CRB1: variants seen among roughly 807,000 people sequenced by gnomAD.
CRB1 encodes protein crumbs homolog 1.
CRB1 carries 83 observed loss-of-function variants against 120.0 expected under a neutral mutation model. That is an observed-to-expected ratio of 0.69 (90% CI 0.58 to 0.83). CRB1 has a LOEUF of 0.83. Ranked by LOEUF, CRB1 falls within the 40% of genes least tolerant of loss-of-function variation. CRB1 has a pLI of 0.00. For missense variants in CRB1, 1,699 were observed against 1,687.6 expected (o/e 1.01, Z -0.12); for synonymous variants, 625 against 612.5 (o/e 1.02, Z -0.30).
chr1:197,421,997 T>TC, intron 6 of CRB1, 41 bp downstream of exon 6: 1 of 1,588,974 alleles, frequency 6.3e-7, no homozygotes, highest in Non-Finnish European at 8.6e-7. Flanking sequence ...GTGCCATGCC[T>TC]CAGAGCAGAG....
In CRB1 at chr1:197,344,376, T is replaced by C; in HGVS notation, c.748T>C (p.Cys250Arg). The C allele has an allele frequency of 6.2e-7, 1 of 1,614,188 alleles. No individual in the cohort carries two copies. The highest frequency in any genetic ancestry group is 8.5e-7 in the Non-Finnish European group (1 of 1,180,018). ...QDALGAYFCD[C>R]APGFLGDHCE... ...TGCTCTGGGGGCCTATTTCTGCGACTGTGCCCCTGGATTCCTGGGGGATCA... is the reference window on the plus strand; with the variant it reads ...TGCTCTGGGGGCCTATTTCTGCGACCGTGCCCCTGGATTCCTGGGGGATCA... Residue 250 changes from cysteine (C) to arginine (R), a missense_variant, in exon 3 of 12, where the codon TGT becomes CGT. Physicochemically the swap from Cys to Arg is radical, Grantham distance 180. Coordinates refer to ENST00000367400, the MANE Select transcript of CRB1 (RefSeq NM_201253.3).
At chr1:197,469,515 A>G (rs1358236856) in intron 11 of CRB1, among the ~76,000 whole-genome samples, 6 of 152,230 alleles carry the variant, frequency 3.9e-5, no homozygotes, top group African/African-American at 1.4e-4. Flanking sequence ...TGAAGAGATG[A>G]AAAGGATGTG....
the CRB1 span, among the ~76,000 whole-genome samples, chr1:197,227,039 T>A: frequency 2.0e-3 from 310 of 152,212 alleles, no homozygotes; most frequent in Admixed American, 4.1e-3. Context: ...AAGATGAGCT[T>A]TGGGTGGGGA....
chr1:197,397,950 A>G (rs896602647), intron 5 of CRB1, among the ~76,000 whole-genome samples: 1 of 152,172 alleles, frequency 6.6e-6, no homozygotes, highest in Non-Finnish European at 1.5e-5. Flanking sequence ...ACATATCAAT[A>G]AACTCAACTT....
intron 1 of CRB1, among the ~76,000 whole-genome samples, chr1:197,299,627 A>G (rs1262660290): frequency 6.6e-6 from 1 of 151,278 alleles, no homozygotes; most frequent in Non-Finnish European, 1.5e-5. Flanking sequence ...CAAGAAAAGG[A>G]AAAAAAAAAC....
At chr1:197,454,463 GTTC>G (rs1391053434) in intron 11 of CRB1, among the ~76,000 whole-genome samples, 1 of 151,986 alleles carries the variant, frequency 6.6e-6, no homozygotes, top group African/African-American at 2.4e-5. Context: ...TATAATTAAT[GTTC>G]TTCATTTCTT....
At chr1:197,385,536 C>A (rs56679155) in intron 5 of CRB1, among the ~76,000 whole-genome samples, 55 of 151,992 alleles carry the variant, frequency 3.6e-4, no homozygotes, top group African/African-American at 1.3e-3. Flanking sequence ...GTGCCAAGTT[C>A]AATAGTACAA....
chr1:197,342,905 C>T (rs1013633759), intron 2 of CRB1, among the ~76,000 whole-genome samples: 2 of 152,136 alleles, frequency 1.3e-5, no homozygotes, highest in African/African-American at 4.8e-5. Flanking sequence ...TCTTCCATGA[C>T]CTTAGTTATG....
At chr1:197,345,390 T>C (rs1023734202) in intron 3 of CRB1, among the ~76,000 whole-genome samples, 5 of 152,174 alleles carry the variant, frequency 3.3e-5, no homozygotes, top group Non-Finnish European at 7.4e-5. Flanking sequence ...ATGGTTTTCC[T>C]TTATTTAGTA....
chr1:197,248,671 G>A, the CRB1 span, among the ~76,000 whole-genome samples: 1 of 151,924 alleles, frequency 6.6e-6, no homozygotes, highest in African/African-American at 2.4e-5. Context: ...AATGAATCAG[G>A]TCATGATTAA....
In CRB1 at chr1:197,438,625, G is replaced by A. The variant is rs1390632601; in HGVS notation, c.3828G>A (p.Glu1276=). 3.7e-6 allele frequency: 6 copies of A among 1,612,860 alleles called. No homozygotes were observed. The East Asian group carries it at 6.7e-5, about 18-fold the overall frequency. The change falls in exon 10 of 12, where the codon GAG becomes GAA. Residue 1276 remains glutamate, a synonymous_variant. Transcript: ENST00000367400. ...GCTACAATGGAGGCAACTGCACAGA[G>A]TTCCAGACTGAATTAAAATGTATGT... is the stretch of plus-strand genomic sequence containing the variant. ...LTCYNGGNCT[E]FQTELKCMCR... is the part of the protein sequence containing the mutation.
chr1:197,347,923 C>T (rs1659868759), intron 4 of CRB1, among the ~76,000 whole-genome samples: 1 of 151,506 alleles, frequency 6.6e-6, no homozygotes, highest in African/African-American at 2.4e-5. Flanking sequence ...TATCTATAAA[C>T]CATAATTAAA....
chr1:197,346,099 C>CA (rs1659757378), intron 3 of CRB1, among the ~76,000 whole-genome samples: 1 of 152,108 alleles, frequency 6.6e-6, no homozygotes, highest in African/African-American at 2.4e-5. Context: ...GAAATGTAAA[C>CA]AAGGCTGAAA....
intron 5 of CRB1, among the ~76,000 whole-genome samples, chr1:197,392,994 A>G (rs1305919521): frequency 2.6e-5 from 4 of 152,112 alleles, no homozygotes; most frequent in African/African-American, 4.8e-5. Flanking sequence ...AGGGGAATAT[A>G]TGTTGTATGA....
intron 5 of CRB1, among the ~76,000 whole-genome samples, chr1:197,400,470 C>T (rs559192374): frequency 9.0e-6 from 1 of 110,924 alleles, no homozygotes; most frequent in Non-Finnish European, 2.1e-5. Context: ...AGTAAAAGAG[C>T]ATTTTTTTTT....
At chr1:197,275,740 T>A (rs1655168338) in intron 1 of CRB1, among the ~76,000 whole-genome samples, 1 of 152,050 alleles carries the variant, frequency 6.6e-6, no homozygotes, top group South Asian at 2.1e-4. Flanking sequence ...CATATGTGAA[T>A]GTTCAATTTT....
At chr1:197,235,835 A>T in the CRB1 span, among the ~76,000 whole-genome samples, 1 of 152,226 alleles carries the variant, frequency 6.6e-6, no homozygotes, top group Non-Finnish European at 1.5e-5. Flanking sequence ...ATATGATCCA[A>T]GGATCATTTT....
chr1:197,202,198 C>A, the CRB1 span, among the ~76,000 whole-genome samples: 3 of 152,170 alleles, frequency 2.0e-5, no homozygotes, highest in Non-Finnish European at 4.4e-5. Flanking sequence ...GGGCCGCACT[C>A]CATGGAAGAA....
chr1:197,409,727 C>T (rs1242899284), intron 5 of CRB1, among the ~76,000 whole-genome samples: 1 of 152,126 alleles, frequency 6.6e-6, no homozygotes, highest in African/African-American at 2.4e-5. Flanking sequence ...TAAATGGCCA[C>T]ATAAATAAAG....
Sources: allele counts gnomAD v4.1 joint callset (sites outside exome capture counted in the v4.1 genomes callset), GRCh38; gene constraint gnomAD v4.1.1; transcripts MANE v1.5; gene names NCBI Gene and HGNC (gene_info 2026-07-23, HGNC 2026-07-21).